Variants in SOCS2 observed in about 807,000 individuals in gnomAD.
The protein encoded by SOCS2 is CIS-2.
Under a neutral mutation model 18.6 loss-of-function variants are expected in SOCS2, and 10 were observed. The observed-to-expected ratio is 0.54, with a 90% CI of 0.33 to 0.91. SOCS2 has a LOEUF of 0.91. SOCS2 is among the 40% of genes least tolerant of loss of function. The pLI, the probability that SOCS2 is intolerant of heterozygous loss-of-function variation, is 0.02. For synonymous variants in SOCS2, 104 were observed against 104.0 expected (o/e 1.00, Z 0.00); for missense variants, 231 against 247.2 (o/e 0.93, Z 0.44).
chr12:93,614,478 C>CCTTCCCTTCCTTCCTTCCTT, the SOCS2 span, among the ~76,000 whole-genome samples: 8 of 49,426 alleles, frequency 1.6e-4, no homozygotes, highest in Non-Finnish European at 1.7e-4. Flanking sequence ...TTCCTTCCTT[C>CCTTCCCTTCCTTCCTTCCTT]CTTTCCTTCC....
chr12:93,600,895 C>G, the SOCS2 span, among the ~76,000 whole-genome samples: 6 of 150,928 alleles, frequency 4.0e-5, no homozygotes, highest in Non-Finnish European at 7.4e-5. Context: ...CTCAAGGGGT[C>G]CTTTTGCTTC....
Position 93,576,687 on chromosome 12 carries a change from T to G in SOCS2, c.*1508T>G, listed in dbSNP as rs1472613365. On this transcript the variant is annotated 3_prime_UTR_variant, in exon 2 of 2. Transcript: ENST00000551556. Reference sequence around the variant, plus strand: ...ATCCTGTGGTGTGTCACCATAAAGGTGGACCCTGTGTGAATGAGAAAATTC... The same window carrying G: ...ATCCTGTGGTGTGTCACCATAAAGGGGGACCCTGTGTGAATGAGAAAATTC... 6.6e-6 allele frequency: 1 copy of G among 152,224 alleles called. No homozygotes were observed. The highest frequency in any genetic ancestry group is 1.5e-5 in the Non-Finnish European group (1 of 68,040). 9.4% of individuals were successfully genotyped at this position (152,224 alleles called of 1,614,324 possible).
Position 93,572,778 on chromosome 12 carries a change from A to T in SOCS2, c.-120A>T, listed in dbSNP as rs1350322190. 4 of 1,300,748 alleles carry T rather than the reference A, an allele frequency of 3.1e-6. No individual in the cohort carries two copies. In the South Asian group the frequency reaches 5.1e-5, roughly 17 times the overall value. The allele number at this position is 1,300,748 out of a possible 1,614,324, so 80.6% of individuals were successfully genotyped here. ...CCCCATCCCTTCTCTCTCTGCCACCATTTCGGACACCCCGCAGGGACTCGT... is the reference window on the plus strand; with the variant it reads ...CCCCATCCCTTCTCTCTCTGCCACCTTTTCGGACACCCCGCAGGGACTCGT... On this transcript the variant is annotated 5_prime_UTR_variant, in exon 1 of 2. Coordinates refer to ENST00000551556, the MANE Select transcript of SOCS2 (RefSeq NM_001270471.2). The surrounding 1 kb of genome is among the most constrained non-coding windows in gnomAD (Gnocchi z 5.0).
At chr12:93,594,654 A>G in the SOCS2 span, among the ~76,000 whole-genome samples, 16 of 152,228 alleles carry the variant, frequency 1.1e-4, no homozygotes, top group African/African-American at 3.1e-4. Context: ...TTAGTATAGA[A>G]TTTATTTATT....
chr12:93,620,593 T>C, the SOCS2 span, among the ~76,000 whole-genome samples: 1 of 151,904 alleles, frequency 6.6e-6, no homozygotes, highest in South Asian at 2.1e-4. Flanking sequence ...TTTTGTATTT[T>C]AGTAGAGTCA....
At chr12:93,603,487 C>T in the SOCS2 span, among the ~76,000 whole-genome samples, 2 of 152,170 alleles carry the variant, frequency 1.3e-5, no homozygotes, top group African/African-American at 4.8e-5. Flanking sequence ...CTCTTTCCCA[C>T]CTTTCCACAT....
intron 1 of SOCS2, chr12:93,573,427 A>G (rs974924981): frequency 1.2e-5 from 5 of 402,604 alleles, no homozygotes; most frequent in Non-Finnish European, 4.4e-6. Context: ...GCCCAGCAGC[A>G]TCTGGCTCCC....
the SOCS2 span, among the ~76,000 whole-genome samples, chr12:93,612,763 ATGGTGGTAGTATCAT>A: frequency 6.6e-6 from 1 of 152,232 alleles, no homozygotes; most frequent in African/African-American, 2.4e-5. Context: ...CAATGAATCA[ATGGTGGTAGTATCAT>A]TGGTAATTTC....
downstream of SOCS2, among the ~76,000 whole-genome samples, chr12:93,577,123 A>G (rs528258906): frequency 3.3e-5 from 5 of 152,210 alleles, no homozygotes; most frequent in South Asian, 1.0e-3. Flanking sequence ...TCTATTTCTC[A>G]GTTACTGGGA....
the SOCS2 span, among the ~76,000 whole-genome samples, chr12:93,602,436 A>G: frequency 6.6e-6 from 1 of 152,114 alleles, no homozygotes; most frequent in Non-Finnish European, 1.5e-5. Context: ...CATGAAAACC[A>G]CACATATGAA....
chr12:93,604,323 G>C, the SOCS2 span, among the ~76,000 whole-genome samples: 2 of 152,254 alleles, frequency 1.3e-5, no homozygotes, highest in East Asian at 3.9e-4. Flanking sequence ...ATTGGGCAAT[G>C]CCTATTTAAA....
chr12:93,610,281 TA>T, the SOCS2 span, among the ~76,000 whole-genome samples: 1 of 152,170 alleles, frequency 6.6e-6, no homozygotes, highest in Admixed American at 6.5e-5. Context: ...GTTTTAGCAC[TA>T]AAAGCCCCTC....
the SOCS2 span, among the ~76,000 whole-genome samples, chr12:93,614,346 G>C: frequency 4.0e-5 from 6 of 150,726 alleles, no homozygotes; most frequent in African/African-American, 1.5e-4. Context: ...GATTTCCTTT[G>C]TATATAGCAA....
chr12:93,605,249 C>A, the SOCS2 span, among the ~76,000 whole-genome samples: 1 of 152,116 alleles, frequency 6.6e-6, no homozygotes, highest in Non-Finnish European at 1.5e-5. Context: ...CTTAAACGAG[C>A]AAGTTGCCGA....
At chr12:93,598,147 G>A in the SOCS2 span, among the ~76,000 whole-genome samples, 4 of 152,148 alleles carry the variant, frequency 2.6e-5, no homozygotes, top group African/African-American at 4.8e-5. Flanking sequence ...GCAGGGCACC[G>A]AGGAAACACG....
At chr12:93,605,298 G>A in the SOCS2 span, among the ~76,000 whole-genome samples, 452 of 152,132 alleles carry the variant, frequency 3.0e-3, 4 homozygotes, top group African/African-American at 0.011. Flanking sequence ...TATAAGATAA[G>A]AAATTACCCC....
downstream of SOCS2, among the ~76,000 whole-genome samples, chr12:93,577,113 T>C (rs78788595): frequency 0.01 from 1,548 of 152,320 alleles, 21 homozygotes; most frequent in African/African-American, 0.036. Context: ...TTTTGAACAC[T>C]CTATTTCTCA....
chr12:93,584,195 G>C (rs760146906), downstream of SOCS2, among the ~76,000 whole-genome samples: 7 of 152,168 alleles, frequency 4.6e-5, no homozygotes, highest in Non-Finnish European at 8.8e-5. Context: ...GTTACTCCAG[G>C]TTACTTTTTT....
the SOCS2 span, among the ~76,000 whole-genome samples, chr12:93,606,980 G>A: frequency 6.6e-6 from 1 of 152,118 alleles, no homozygotes; most frequent in African/African-American, 2.4e-5. Context: ...GGAATTCTGT[G>A]ACACTTATTT....
Sources: allele counts gnomAD v4.1 joint callset (sites outside exome capture counted in the v4.1 genomes callset), GRCh38; gene constraint gnomAD v4.1.1; non-coding constraint Gnocchi (gnomAD v3.1); transcripts MANE v1.5; gene names NCBI Gene and HGNC (gene_info 2026-07-23, HGNC 2026-07-21).